FAF1: variants seen among roughly 807,000 people sequenced by gnomAD.
FAF1 encodes the protein FAS-associated factor 1.
Under a neutral mutation model 92.5 loss-of-function variants are expected in FAF1, and 25 were observed. The ratio of observed to expected loss-of-function variants is 0.27; its 90% CI spans 0.20 to 0.38. The LOEUF is 0.38. Among genes scored for constraint, FAF1 ranks in the 10% least tolerant of loss-of-function variants. The pLI is 1.00. For synonymous variants in FAF1, 234 were observed against 273.2 expected (o/e 0.86, Z 1.42); for missense variants, 636 against 793.3 (o/e 0.80, Z 2.38).
intron 2 of FAF1, among the ~76,000 whole-genome samples, chr1:50,822,705 A>G (rs1046194597): frequency 2.6e-5 from 4 of 151,814 alleles, no homozygotes; most frequent in African/African-American, 9.7e-5. Context: ...AAAACCTAAA[A>G]GCAACAGAAA....
chr1:50,702,371 G>C (rs1323303200), intron 7 of FAF1, among the ~76,000 whole-genome samples: 5 of 152,156 alleles, frequency 3.3e-5, no homozygotes, highest in African/African-American at 1.2e-4. Flanking sequence ...AGGTAAGCCT[G>C]TTTAAATTTA....
At chr1:50,703,163 C>A (rs1657543828) in intron 7 of FAF1, among the ~76,000 whole-genome samples, 1 of 151,980 alleles carries the variant, frequency 6.6e-6, no homozygotes, top group East Asian at 1.9e-4. Context: ...GATTAATTTA[C>A]AATTTAGCAC....
chr1:50,771,421 G>T (rs899446012), intron 4 of FAF1, among the ~76,000 whole-genome samples: 1 of 151,886 alleles, frequency 6.6e-6, no homozygotes, highest in African/African-American at 2.4e-5. Flanking sequence ...AAATTAATGA[G>T]CAAAAAACAA....
intron 15 of FAF1, among the ~76,000 whole-genome samples, chr1:50,526,375 C>G (rs1174923529): frequency 1.3e-5 from 2 of 151,844 alleles, no homozygotes; most frequent in Non-Finnish European, 2.9e-5. Context: ...GTGGGAGGAT[C>G]TCTTGAGCCC....
intron 15 of FAF1, among the ~76,000 whole-genome samples, chr1:50,516,927 T>C (rs1258647087): frequency 6.6e-6 from 1 of 152,212 alleles, no homozygotes; most frequent in African/African-American, 2.4e-5. Flanking sequence ...AAGTGTATGT[T>C]CTTTGTCTCA....
At chr1:50,815,943 C>T (rs1200524178) in intron 2 of FAF1, among the ~76,000 whole-genome samples, 1 of 151,308 alleles carries the variant, frequency 6.6e-6, no homozygotes, top group East Asian at 2.0e-4. Context: ...AGGAGAATCG[C>T]TTGAACCTGG....
chr1:50,758,878 T>C (rs982058760), intron 4 of FAF1, among the ~76,000 whole-genome samples: 2 of 152,180 alleles, frequency 1.3e-5, no homozygotes, highest in African/African-American at 4.8e-5. Flanking sequence ...AGTCTTGCTC[T>C]GTTGCCCAGG....
At chr1:50,867,628 C>T (rs574011682) in intron 1 of FAF1, among the ~76,000 whole-genome samples, 58 of 152,048 alleles carry the variant, frequency 3.8e-4, no homozygotes, top group African/African-American at 1.3e-3. Context: ...AACCACAATG[C>T]GATACCACTT....
intron 18 of FAF1, among the ~76,000 whole-genome samples, chr1:50,447,341 G>T (rs569274627): frequency 6.6e-6 from 1 of 152,106 alleles, no homozygotes; most frequent in South Asian, 2.1e-4. Flanking sequence ...TAGCCAGGAT[G>T]GTCTCGATCT....
chr1:50,765,524 A>T (rs1660534458), intron 4 of FAF1, among the ~76,000 whole-genome samples: 1 of 152,188 alleles, frequency 6.6e-6, no homozygotes, highest in African/African-American at 2.4e-5. Context: ...ATTTCCATTC[A>T]GAGAAAAAAA....
At chr1:50,517,753 A>G (rs1647272509) in intron 15 of FAF1, among the ~76,000 whole-genome samples, 1 of 152,242 alleles carries the variant, frequency 6.6e-6, no homozygotes, top group Non-Finnish European at 1.5e-5. Flanking sequence ...TGGGAAAGTC[A>G]TTAAATGCTC....
At chr1:50,772,794 C>T (rs575154543) in intron 4 of FAF1, among the ~76,000 whole-genome samples, 16 of 152,146 alleles carry the variant, frequency 1.1e-4, no homozygotes, top group Middle Eastern at 3.4e-3. Flanking sequence ...CACACCATAC[C>T]CCAGTGACAC....
Position 50,885,295 on chromosome 1 carries a change from T to TTCTCTCTCTCTCTCTCTCTC in FAF1, c.46-27299_46-27298insGAGAGAGAGAGAGAGAGAGA, listed in dbSNP as rs147647466. Among the ~76,000 whole-genome samples the TTCTCTCTCTCTCTCTCTCTC allele has an allele frequency of 2.4e-3, 331 of 136,884 alleles. 2 individuals carry two copies. The highest frequency in any genetic ancestry group is 7.0e-3 in the Middle Eastern group (2 of 286). The allele number at this position is 136,884 out of a possible 152,430, so 89.8% of individuals were successfully genotyped here. A position where few individuals can be genotyped will look rare whatever the true frequency, so the allele number is the denominator to read the frequency against. On this transcript the variant is annotated intron_variant, in intron 1 of 18. Transcript: ENST00000396153. ...GGTTTCCCATTCTCTCCGTGTCTCT[T>TTCTCTCTCTCTCTCTCTCTC]TCTCTCTCTCTCTCTCTCACACACA...
At chr1:50,677,695 G>C (rs1291342944) in intron 7 of FAF1, among the ~76,000 whole-genome samples, 1 of 152,038 alleles carries the variant, frequency 6.6e-6, no homozygotes, top group Non-Finnish European at 1.5e-5. Context: ...AGGAGTTCGA[G>C]ACTAGCCTGA....
chr1:50,580,074 T>C (rs563295881), intron 12 of FAF1, among the ~76,000 whole-genome samples: 20 of 152,198 alleles, frequency 1.3e-4, no homozygotes, highest in African/African-American at 3.8e-4. Context: ...TAGCAAAAAA[T>C]AATAAATATA....
In FAF1 at chr1:50,837,059, G is replaced by A. The variant is rs192552603; in HGVS notation, c.114+20870C>T. Among the ~76,000 whole-genome samples the A allele has an allele frequency of 2.3e-4, 33 of 141,876 alleles. No individual in the cohort carries two copies. The East Asian group carries it at 5.8e-3, about 25-fold the overall frequency. The allele number at this position is 141,876 out of a possible 152,430, so 93.1% of individuals were successfully genotyped here. A position where few individuals can be genotyped will look rare whatever the true frequency, so the allele number is the denominator to read the frequency against. On this transcript the variant is annotated intron_variant, in intron 2 of 18. Coordinates refer to ENST00000396153, the MANE Select transcript of FAF1 (RefSeq NM_007051.3). ...TGCAAGCTCTGCATCCCAGGTTCAC[G>A]CCATTCTCCTGCCTCAGCCTCCCGA...
intron 1 of FAF1, among the ~76,000 whole-genome samples, chr1:50,931,269 T>C (rs898582424): frequency 5.9e-5 from 9 of 152,224 alleles, no homozygotes; most frequent in African/African-American, 2.2e-4. Context: ...GTTTTTCTTA[T>C]TGTTATAGTT....
At chr1:50,929,074 AAAAAAAAAAAAAAAAGAAAGAAAAG>A (rs1645028972) in intron 1 of FAF1, among the ~76,000 whole-genome samples, 2 of 73,028 alleles carry the variant, frequency 2.7e-5, no homozygotes, top group South Asian at 1.2e-3. Flanking sequence ...ACTGTCTCAA[AAAAAAAAAAAAAAAAGAAAGAAAAG>A]AAAAAAAAAC....
At chr1:50,778,791 G>A (rs1661053503) in intron 4 of FAF1, among the ~76,000 whole-genome samples, 1 of 151,806 alleles carries the variant, frequency 6.6e-6, no homozygotes, top group African/African-American at 2.4e-5. Context: ...CTGCACTTCA[G>A]CCTGAGTGAC....
Sources: allele counts gnomAD v4.1 joint callset (sites outside exome capture counted in the v4.1 genomes callset), GRCh38; gene constraint gnomAD v4.1.1; transcripts MANE v1.5; gene names NCBI Gene and HGNC (gene_info 2026-07-23, HGNC 2026-07-21).